Variants in CUBN observed in about 807,000 individuals in gnomAD.
CUBN encodes cubilin.
CUBN carries 282 observed loss-of-function variants against 405.3 expected under a neutral mutation model. That is an observed-to-expected ratio of 0.70 (90% CI 0.63 to 0.77). The LOEUF (loss-of-function observed/expected upper bound fraction) is 0.77, where lower values mean the gene tolerates loss of function less well. Among genes scored for constraint, CUBN ranks in the 30% least tolerant of loss-of-function variants. The pLI, the probability that CUBN is intolerant of heterozygous loss-of-function variation, is 0.00. For synonymous variants in CUBN, 1,684 were observed against 1,617.0 expected (o/e 1.04, Z -0.99); for missense variants, 4,514 against 4,475.2 (o/e 1.01, Z -0.25).
chr10:17,127,665 T>C (rs1837230266), intron 3 of CUBN, among the ~76,000 whole-genome samples, 164 bp downstream of exon 3: 1 of 152,146 alleles, frequency 6.6e-6, no homozygotes, highest in African/African-American at 2.4e-5. Context: ...GTCCATCACT[T>C]CTACAGCCTC....
intron 38 of CUBN, among the ~76,000 whole-genome samples, chr10:16,938,417 C>T (rs1453715985): frequency 2.6e-5 from 4 of 152,092 alleles, no homozygotes; most frequent in Non-Finnish European, 5.9e-5. Context: ...ATAAAATACT[C>T]TACCAAACAA....
At position 17,101,139 on chromosome 10, in the gene CUBN, C is replaced by T. The variant is rs1006345882; in HGVS notation, c.1531-900G>A. ...GCTAGGGTATTTTAAGATCAGTTAC[C>T]TATTACTACATGACTTTCTTAAAAC... is the stretch of plus-strand genomic sequence containing the variant. On this transcript the variant is annotated intron_variant, in intron 13 of 66. Transcript: ENST00000377833. Among the ~76,000 whole-genome samples, 4 of 152,156 alleles carry T rather than the reference C, an allele frequency of 2.6e-5. No individual in the cohort carries two copies. The South Asian group carries it at 8.3e-4, about 32-fold the overall frequency.
chr10:17,090,152 A>G (rs1156879297), intron 14 of CUBN, among the ~76,000 whole-genome samples: 2 of 152,138 alleles, frequency 1.3e-5, no homozygotes, highest in East Asian at 3.9e-4. Context: ...GTCCGTCAAT[A>G]GAGTATTGAT....
At chr10:17,117,122 TC>T (rs940686333) in intron 6 of CUBN, among the ~76,000 whole-genome samples, 1 of 151,774 alleles carries the variant, frequency 6.6e-6, no homozygotes, top group South Asian at 2.1e-4. Flanking sequence ...GAATTATCCA[TC>T]CCCCCCATAG....
chr10:16,938,405 T>C (rs1337542189), intron 38 of CUBN, among the ~76,000 whole-genome samples: 2 of 152,154 alleles, frequency 1.3e-5, no homozygotes, highest in Non-Finnish European at 2.9e-5. Context: ...TGAACAGTTA[T>C]TATAAAATAC....
intron 64 of CUBN, among the ~76,000 whole-genome samples, chr10:16,834,582 G>A (rs1042105906): frequency 6.6e-5 from 10 of 152,146 alleles, no homozygotes; most frequent in African/African-American, 2.2e-4. Flanking sequence ...TAGCTGTCAG[G>A]AAAATTAGGT....
In CUBN at chr10:17,084,189, C is replaced by A. The variant is rs1015219686; in HGVS notation, c.2301+82G>T. 33 of 1,412,882 alleles carry A rather than the reference C, an allele frequency of 2.3e-5. No homozygotes were observed. The Admixed American group carries it at 4.7e-4, about 20-fold the overall frequency. 87.5% of individuals were successfully genotyped at this position (1,412,882 alleles called of 1,614,324 possible). On this transcript the variant is annotated intron_variant, in intron 17 of 66. Coordinates refer to ENST00000377833, the MANE Select transcript of CUBN (RefSeq NM_001081.4). ...GGTATTCTGGCTGCTGGTGGCCCAA[C>A]AATCTTTTGAAGACCACCACTCTGC... is the stretch of plus-strand genomic sequence containing the variant.
chr10:17,091,851 T>C (rs182384060), intron 14 of CUBN, among the ~76,000 whole-genome samples: 1 of 152,316 alleles, frequency 6.6e-6, no homozygotes, highest in African/African-American at 2.4e-5. Context: ...AAATCCAAGA[T>C]GTGGGATGAT....
intron 48 of CUBN, among the ~76,000 whole-genome samples, chr10:16,910,431 C>T (rs1489106617): frequency 1.3e-5 from 2 of 152,144 alleles, no homozygotes; most frequent in Admixed American, 6.5e-5. Context: ...GGAATGTGGA[C>T]ATTAGAACTA....
In CUBN at chr10:17,070,980, T is replaced by C. The variant is rs1260215241; in HGVS notation, c.2625+446A>G. ...GCATTTAGTGTTTCATAATTAAATA[T>C]GATGTTAGATGTGAGTTTTTAAATG... On this transcript the variant is annotated intron_variant, in intron 19 of 66. Coordinates refer to ENST00000377833, the MANE Select transcript of CUBN (RefSeq NM_001081.4). 2.6e-5 allele frequency among the ~76,000 whole-genome samples: 4 copies of C among 152,220 alleles called. No individual in the cohort carries two copies. The East Asian group carries it at 7.7e-4, about 29-fold the overall frequency.
intron 27 of CUBN, among the ~76,000 whole-genome samples, chr10:17,025,687 C>T (rs1037423880): frequency 1.3e-5 from 2 of 152,106 alleles, no homozygotes; most frequent in Non-Finnish European, 2.9e-5. Flanking sequence ...GGAGCTGACT[C>T]ACATAAAAGA....
rs1836580088 is a variant in CUBN at position 17,104,700 on chromosome 10, A to C, written c.1231-95T>G. The C allele has an allele frequency of 1.2e-5, 4 of 342,262 alleles. No individual in the cohort carries two copies. The East Asian group carries it at 2.5e-4, about 21-fold the overall frequency. 21.2% of individuals were successfully genotyped at this position (342,262 alleles called of 1,614,324 possible). On this transcript the variant is annotated intron_variant, in intron 11 of 66. Coordinates refer to ENST00000377833, the MANE Select transcript of CUBN (RefSeq NM_001081.4). ...AATAGGAATGTAGTGCCATGGAGAT[A>C]TATAATATATAATAATTATATAATT... is the stretch of plus-strand genomic sequence containing the variant.
At chr10:16,852,815 C>T (rs1258036505) in intron 59 of CUBN, among the ~76,000 whole-genome samples, 3 of 152,144 alleles carry the variant, frequency 2.0e-5, no homozygotes, top group African/African-American at 7.2e-5. Context: ...AGAATTTACC[C>T]AACAAACCAA....
chr10:16,883,587 GA>G (rs996227484), intron 56 of CUBN, among the ~76,000 whole-genome samples: 4 of 152,108 alleles, frequency 2.6e-5, no homozygotes, highest in Non-Finnish European at 5.9e-5. Flanking sequence ...TCTTGATGGG[GA>G]AAAAAATGTC....
intron 41 of CUBN, among the ~76,000 whole-genome samples, chr10:16,926,445 C>G (rs568253381): frequency 6.6e-6 from 1 of 152,214 alleles, no homozygotes; most frequent in East Asian, 1.9e-4. Context: ...AAATGTCACT[C>G]TATGTGCAGT....
At position 16,937,567 on chromosome 10, in the gene CUBN, G is replaced by T. The variant is rs2356589; in HGVS notation, c.5926+25C>A. The T allele has an allele frequency of 0.045, 72,867 of 1,605,932 alleles. 6,705 individuals carry two copies. Among genetic ancestry groups the T allele is most frequent in the African/African-American group, 0.3 (22,568 of 74,704 alleles). The stretch of plus-strand genomic sequence containing the variant: ...GGCCTGCACATATCAGTCCTAAAAA[G>T]AACTTCATTTATTACCAAACACACC... On this transcript the variant is annotated intron_variant, in intron 39 of 66. Transcript: ENST00000377833.
chr10:16,980,447 T>G (rs1833233907), intron 31 of CUBN, among the ~76,000 whole-genome samples: 1 of 152,174 alleles, frequency 6.6e-6, no homozygotes, highest in Non-Finnish European at 1.5e-5. Flanking sequence ...AACCCAAATG[T>G]GCATCAATGA....
chr10:17,068,821 C>A (rs2131845816), intron 19 of CUBN, 51 bp from the exon 20 acceptor site: 1 of 1,339,948 alleles, frequency 7.5e-7, no homozygotes, highest in South Asian at 1.2e-5. Context: ...ATTTTGAAAA[C>A]TGCTTCAAGA....
chr10:16,954,603 G>A (rs1843002015), intron 31 of CUBN, 55 bp from the exon 32 acceptor site: 4 of 1,587,238 alleles, frequency 2.5e-6, no homozygotes, highest in Non-Finnish European at 2.6e-6. Context: ...TAGAAGGCCT[G>A]TATTCCACGA....
Sources: allele counts gnomAD v4.1 joint callset (sites outside exome capture counted in the v4.1 genomes callset), GRCh38; gene constraint gnomAD v4.1.1; transcripts MANE v1.5; gene names NCBI Gene and HGNC (gene_info 2026-07-23, HGNC 2026-07-21).